Variants in SYTL5 observed in about 807,000 individuals in gnomAD.
SYTL5 encodes synaptotagmin-like protein 5.
In SYTL5, 34 loss-of-function variants were observed where a neutral mutation model predicts 55.9. The observed-to-expected ratio is 0.61, with a 90% confidence interval of 0.46 to 0.81. The LOEUF is 0.81. SYTL5 is among the 30% of genes least tolerant of loss of function. The pLI is 0.00. For synonymous variants in SYTL5, 221 were observed against 188.7 expected, an observed-to-expected ratio of 1.17 and a Z score of -1.40; for missense variants, 637 against 546.7, an observed-to-expected ratio of 1.17 and a Z score of -1.65.
chrX:38,013,121 A>T (rs760479466), intron 1 of SYTL5, among the ~76,000 whole-genome samples: 1 of 112,341 alleles, frequency 8.9e-6, no homozygotes, highest in South Asian at 3.7e-4. Context: ...ATTTGCTTTG[A>T]ACTACTCACA....
intron 11 of SYTL5, among the ~76,000 whole-genome samples, chrX:38,107,564 C>T (rs1937250986): frequency 8.9e-6 from 1 of 111,732 alleles, no homozygotes; most frequent in South Asian, 3.8e-4. Context: ...TTAGGAACAA[C>T]GAGCCACTTT....
chrX:37,910,781 G>A, the SYTL5 span, among the ~76,000 whole-genome samples: 30 of 111,534 alleles, frequency 2.7e-4, no homozygotes, highest in Middle Eastern at 4.6e-3. Context: ...CATAGGTGTC[G>A]GGGTAGAGCC....
intron 2 of SYTL5, among the ~76,000 whole-genome samples, chrX:38,034,685 G>A (rs763832072): frequency 1.1e-3 from 120 of 112,144 alleles, no homozygotes; most frequent in African/African-American, 3.8e-3. Flanking sequence ...ATATTTAGCT[G>A]GTTTCCCCGG....
chrX:37,967,250 C>T, the SYTL5 span, among the ~76,000 whole-genome samples: 4 of 111,355 alleles, frequency 3.6e-5, no homozygotes, highest in African/African-American at 1.3e-4. Context: ...CGGGGTTTTA[C>T]CATGTTGGCC....
At chrX:37,957,164 C>T in the SYTL5 span, among the ~76,000 whole-genome samples, 1 of 111,653 alleles carries the variant, frequency 9.0e-6, no homozygotes, top group Non-Finnish European at 1.9e-5. Flanking sequence ...TGTAGGAAAC[C>T]TTTATATATT....
intron 1 of SYTL5, among the ~76,000 whole-genome samples, chrX:38,031,062 G>A (rs1357370854): frequency 9.0e-6 from 1 of 111,499 alleles, no homozygotes; most frequent in Non-Finnish European, 1.9e-5. Flanking sequence ...CGGGCTTACA[G>A]GAGTCCTAAG....
At chrX:38,033,095 G>A (rs7886195) in intron 1 of SYTL5, among the ~76,000 whole-genome samples, 32,685 of 110,617 alleles carry the variant, frequency 0.3, 6,877 homozygotes, top group African/African-American at 0.74. Flanking sequence ...GCAGAGGTTC[G>A]TATTTGTCTC....
chrX:38,053,142 T>TGTAG (rs1390565994), intron 2 of SYTL5, among the ~76,000 whole-genome samples: 1 of 112,537 alleles, frequency 8.9e-6, no homozygotes, highest in East Asian at 2.8e-4. Flanking sequence ...TTTGTTAAAA[T>TGTAG]GTAGGTTCTG....
intron 1 of SYTL5, among the ~76,000 whole-genome samples, chrX:38,007,415 C>T (rs920843861): frequency 1.8e-4 from 20 of 111,225 alleles, no homozygotes; most frequent in African/African-American, 5.5e-4. Flanking sequence ...AAATGAAAAA[C>T]GTAATTTTAC....
upstream of SYTL5, among the ~76,000 whole-genome samples, chrX:38,003,270 G>A (rs1159983651): frequency 1.8e-5 from 2 of 111,607 alleles, no homozygotes; most frequent in Admixed American, 9.5e-5. Context: ...GGTTACTGTA[G>A]CCTTGTAGTA....
At chrX:37,938,986 G>A in the SYTL5 span, among the ~76,000 whole-genome samples, 4 of 111,313 alleles carry the variant, frequency 3.6e-5, no homozygotes, top group Non-Finnish European at 3.8e-5. Flanking sequence ...GGTCAGGCGC[G>A]GTGGCTCACA....
chrX:37,996,090 C>T, the SYTL5 span, among the ~76,000 whole-genome samples: 1 of 111,785 alleles, frequency 8.9e-6, no homozygotes, highest in South Asian at 3.8e-4. Flanking sequence ...GAGGTTGACC[C>T]TGGATGAGCC....
chrX:37,960,797 T>TATTA, the SYTL5 span, among the ~76,000 whole-genome samples: 1 of 90,444 alleles, frequency 1.1e-5, no homozygotes, highest in African/African-American at 4.1e-5. Flanking sequence ...TTTATTTATT[T>TATTA]ATTTATTTAT....
intron 3 of SYTL5, among the ~76,000 whole-genome samples, chrX:38,060,394 G>T (rs1032521835): frequency 9.0e-4 from 101 of 111,625 alleles, no homozygotes; most frequent in African/African-American, 3.1e-3. Flanking sequence ...ATACTTACAT[G>T]CTCTATATTT....
rs1270885677 is a variant in SYTL5 at position 38,090,929 on chromosome X, T to C, written c.831+1342T>C. Among the ~76,000 whole-genome samples, 3 of 112,203 alleles carry C rather than the reference T, an allele frequency of 2.7e-5. No individual in the cohort carries two copies. The East Asian group carries it at 8.4e-4, about 31-fold the overall frequency. ...GTTCAAGGAAGAGGAAGGAGGCCAA[T>C]GCAGCTGTGGTGAATGAATGAGGCA... On this transcript the variant is annotated intron_variant, in intron 7 of 16. Transcript: ENST00000297875.
At chrX:37,923,569 C>G in the SYTL5 span, among the ~76,000 whole-genome samples, 1 of 108,672 alleles carries the variant, frequency 9.2e-6, no homozygotes, top group African/African-American at 3.3e-5. Context: ...ATATATATAT[C>G]TGTGTATATA....
At chrX:38,014,172 C>T (rs185804661) in intron 1 of SYTL5, among the ~76,000 whole-genome samples, 1 of 112,476 alleles carries the variant, frequency 8.9e-6, no homozygotes, top group African/African-American at 3.2e-5. Context: ...TTGACCAATA[C>T]AAAATTAAAC....
chrX:37,939,259 AAAAAAAAAAG>A, the SYTL5 span, among the ~76,000 whole-genome samples: 97 of 106,145 alleles, frequency 9.1e-4, no homozygotes, highest in South Asian at 2.9e-3. Context: ...AACTCCTTCT[AAAAAAAAAAG>A]AAAAAAAAAG....
rs990877858 is a variant in SYTL5 at position 38,102,113 on chromosome X, C to A, written c.1063-229C>A. On this transcript the variant is annotated intron_variant, in intron 9 of 16. Transcript: ENST00000297875. ...TTTCATGTTCTTTCAATAAAGTAAGCACCATTAGAAAGGAGACCTCACTCT... is the reference window on the plus strand; with the variant it reads ...TTTCATGTTCTTTCAATAAAGTAAGAACCATTAGAAAGGAGACCTCACTCT... Among the ~76,000 whole-genome samples, 4 of 110,578 alleles carry A rather than the reference C, an allele frequency of 3.6e-5. No individual in the cohort carries two copies. The Admixed American group carries it at 3.8e-4, about 11-fold the overall frequency.
Sources: gnomAD v4.1 joint callset for allele counts (sites outside exome capture counted in the v4.1 genomes callset) on GRCh38, gnomAD v4.1.1 for gene constraint, MANE v1.5 for transcripts, NCBI Gene and HGNC (gene_info 2026-07-23, HGNC 2026-07-21) for gene names.